The following R3HCC1L variants were observed in gnomAD, a reference collection of about 807,000 sequenced individuals.
R3HCC1L encodes the protein coiled-coil domain-containing protein R3HCC1L.
Under a neutral mutation model 59.9 loss-of-function variants are expected in R3HCC1L, and 51 were observed. The ratio of observed to expected loss-of-function variants is 0.85; its 90% CI spans 0.68 to 1.07. The LOEUF (loss-of-function observed/expected upper bound fraction) is 1.07. Among genes scored for constraint, R3HCC1L ranks in the 50% least tolerant of loss-of-function variants. The pLI is 0.00. For missense variants in R3HCC1L, 965 were observed against 933.0 expected, an observed-to-expected ratio of 1.03 and a Z score of -0.45; for synonymous variants, 322 against 315.2, an observed-to-expected ratio of 1.02 and a Z score of -0.23.
intron 5 of R3HCC1L, chr10:98,211,173 A>C (rs1590730122): frequency 1.8e-6 from 1 of 569,542 alleles, no homozygotes; most frequent in East Asian, 2.9e-5. Context: ...GTTTTTTCAT[A>C]GCTTTCATCA....
Position 98,235,107 on chromosome 10 carries a change from A to G in R3HCC1L, c.2033-318A>G, listed in dbSNP as rs555345805. 2.6e-5 allele frequency among the ~76,000 whole-genome samples: 4 copies of G among 152,322 alleles called. No homozygotes were observed. In the South Asian group the frequency reaches 6.2e-4, roughly 24 times the overall value. On this transcript the variant is annotated intron_variant, in intron 7 of 9. Transcript: ENST00000298999. ...TGTGGAGCATCAGGTCTCTGTCACT[A>G]CTTAACTCTGCTGTTGGAGCAAGAA... is the stretch of plus-strand genomic sequence containing the variant.
At chr10:98,243,944 T>C in intron 9 of R3HCC1L, 147 bp from the exon 10 acceptor site, 1 of 602,076 alleles carries the variant, frequency 1.7e-6, no homozygotes, top group Non-Finnish European at 3.0e-6. Flanking sequence ...ACTTAGGAAA[T>C]TAAAGGAATT....
chr10:98,190,959 C>CATGT lies in R3HCC1L; in HGVS notation c.-14-17141_-14-17138dup, dbSNP rs554708152. 3.8e-3 allele frequency among the ~76,000 whole-genome samples: 582 copies of CATGT among 152,236 alleles called. 4 individuals are homozygous for CATGT. Among genetic ancestry groups the CATGT allele is most frequent in the African/African-American group, 0.013 (526 of 41,534 alleles). On this transcript the variant is annotated intron_variant, in intron 4 of 9. Coordinates refer to ENST00000298999, the MANE Select transcript of R3HCC1L (RefSeq NM_001351015.2). ...GAGAATGATGGTTTCCACCTTCATC[C>CATGT]ATGTCCCTGCAAAGGACATGAACTC...
intron 2 of R3HCC1L, among the ~76,000 whole-genome samples, chr10:98,160,398 GTTGA>G (rs1235044792): frequency 6.6e-6 from 1 of 152,162 alleles, no homozygotes; most frequent in Non-Finnish European, 1.5e-5. Context: ...AATAGTTTAT[GTTGA>G]TTATGTGTTG....
chr10:98,218,044 C>A (rs935649000), intron 5 of R3HCC1L, among the ~76,000 whole-genome samples: 1 of 152,096 alleles, frequency 6.6e-6, no homozygotes, highest in African/African-American at 2.4e-5. Context: ...TCAAGTACTA[C>A]GATGAATAAG....
At chr10:98,228,940 T>C (rs1856007211) in intron 5 of R3HCC1L, among the ~76,000 whole-genome samples, 1 of 152,210 alleles carries the variant, frequency 6.6e-6, no homozygotes, top group Admixed American at 6.5e-5. Flanking sequence ...TCCATTGGCC[T>C]GTATCTCTGT....
At chr10:98,154,335 A>G (rs1846621137) in intron 1 of R3HCC1L, among the ~76,000 whole-genome samples, 1 of 152,000 alleles carries the variant, frequency 6.6e-6, no homozygotes, top group Non-Finnish European at 1.5e-5. Flanking sequence ...GCATGCTTGT[A>G]TGGAGGAATC....
At chr10:98,143,581 A>G (rs998660641) in intron 1 of R3HCC1L, among the ~76,000 whole-genome samples, 1 of 152,070 alleles carries the variant, frequency 6.6e-6, no homozygotes, top group African/African-American at 2.4e-5. Context: ...TGCTTCTAAC[A>G]CTTTGGTGAA....
At chr10:98,156,862 A>G (rs964904170) in intron 2 of R3HCC1L, among the ~76,000 whole-genome samples, 2 of 152,232 alleles carry the variant, frequency 1.3e-5, no homozygotes, top group African/African-American at 2.4e-5. Context: ...ACTTTTTACT[A>G]TAGTTACAAA....
chr10:98,224,663 T>C lies in R3HCC1L; in HGVS notation c.1786-6849T>C, dbSNP rs1590791257. 2.6e-5 allele frequency among the ~76,000 whole-genome samples: 4 copies of C among 152,240 alleles called. No individual in the cohort carries two copies. The South Asian group carries it at 6.2e-4, about 24-fold the overall frequency. On this transcript the variant is annotated intron_variant, in intron 5 of 9. Coordinates refer to ENST00000298999, the MANE Select transcript of R3HCC1L (RefSeq NM_001351015.2). ...AGACCACTATTTAAGATCCTAAAAA[T>C]ATTTGTGATTCATAACTCAAAATTG...
intron 4 of R3HCC1L, among the ~76,000 whole-genome samples, chr10:98,180,349 T>C (rs1407131996): frequency 9.9e-5 from 15 of 152,238 alleles, no homozygotes. Flanking sequence ...GTTGTTCAGT[T>C]TCCACATAGT....
At chr10:98,158,660 TTAA>T (rs1427053212) in intron 2 of R3HCC1L, among the ~76,000 whole-genome samples, 2 of 152,208 alleles carry the variant, frequency 1.3e-5, no homozygotes, top group Non-Finnish European at 2.9e-5. Context: ...TGATTTAATA[TTAA>T]TTAAGTAACC....
chr10:98,240,048 G>A (rs1223131658), intron 9 of R3HCC1L, among the ~76,000 whole-genome samples: 2 of 152,180 alleles, frequency 1.3e-5, no homozygotes, highest in Admixed American at 6.5e-5. Context: ...GCTCACTCCT[G>A]TAATCCCAGC....
intron 5 of R3HCC1L, among the ~76,000 whole-genome samples, chr10:98,213,666 C>A (rs1853841551): frequency 6.6e-6 from 1 of 151,918 alleles, no homozygotes; most frequent in South Asian, 2.1e-4. Flanking sequence ...GTTTTCTATT[C>A]CATTTTAAAA....
chr10:98,227,610 C>G (rs1484011892), intron 5 of R3HCC1L, among the ~76,000 whole-genome samples: 1 of 143,774 alleles, frequency 7.0e-6, no homozygotes, highest in South Asian at 2.2e-4. Flanking sequence ...ACTTTAAGTT[C>G]TAGGGTACAT....
intron 1 of R3HCC1L, 80 bp from the exon 2 acceptor site, chr10:98,156,013 G>C (rs1205135711): frequency 6.6e-6 from 1 of 150,694 alleles, no homozygotes; most frequent in East Asian, 1.9e-4. Context: ...CCTCGGTGCA[G>C]TTTTCCACAA....
At chr10:98,240,150 A>G (rs962034544) in intron 9 of R3HCC1L, among the ~76,000 whole-genome samples, 22 of 152,088 alleles carry the variant, frequency 1.4e-4, no homozygotes, top group African/African-American at 4.6e-4. Flanking sequence ...TACTAAAAAT[A>G]GAAAAATTAG....
chr10:98,160,236 T>A (rs1847274413), intron 2 of R3HCC1L, among the ~76,000 whole-genome samples: 1 of 152,242 alleles, frequency 6.6e-6, no homozygotes, highest in Non-Finnish European at 1.5e-5. Context: ...TGTTTTTCGT[T>A]TAGCCTAAGG....
chr10:98,151,788 A>G (rs1424180435), intron 1 of R3HCC1L, among the ~76,000 whole-genome samples: 1 of 152,186 alleles, frequency 6.6e-6, no homozygotes, highest in Non-Finnish European at 1.5e-5. Context: ...AAAGGAAAAC[A>G]AGGCACATAT....
Sources: gnomAD v4.1 joint callset for allele counts (sites outside exome capture counted in the v4.1 genomes callset) on GRCh38, gnomAD v4.1.1 for gene constraint, MANE v1.5 for transcripts, NCBI Gene and HGNC (gene_info 2026-07-23, HGNC 2026-07-21) for gene names.